PCDH7: variants seen among roughly 807,000 people sequenced by gnomAD.
PCDH7 encodes protocadherin-7.
In PCDH7, 17 loss-of-function variants were observed where a neutral mutation model predicts 58.9. The ratio of observed to expected loss-of-function variants is 0.29; its 90% CI spans 0.20 to 0.43. The LOEUF (loss-of-function observed/expected upper bound fraction) is 0.43, where lower values mean the gene tolerates loss of function less well. Among genes scored for constraint, PCDH7 ranks in the 20% least tolerant of loss-of-function variants. The pLI, the probability that PCDH7 is intolerant of heterozygous loss-of-function variation, is 1.00. For synonymous variants in PCDH7, 664 were observed against 616.4 expected (o/e 1.08, Z -1.14); for missense variants, 1,274 against 1,441.0 (o/e 0.88, Z 1.88).
intron 1 of PCDH7, among the ~76,000 whole-genome samples, chr4:30,836,878 T>A (rs1730544240): frequency 6.6e-6 from 1 of 152,176 alleles, no homozygotes. Context: ...ATTGTTTTAT[T>A]TCAACAGCCA....
intron 3 of PCDH7, among the ~76,000 whole-genome samples, chr4:30,999,100 C>T (rs1042717009): frequency 6.6e-6 from 1 of 152,028 alleles, no homozygotes; most frequent in Non-Finnish European, 1.5e-5. Flanking sequence ...GTCAGAGGAC[C>T]TGAACTCTGG....
At chr4:30,995,011 A>AT (rs1751759723) in intron 3 of PCDH7, among the ~76,000 whole-genome samples, 1 of 152,168 alleles carries the variant, frequency 6.6e-6, no homozygotes, top group African/African-American at 2.4e-5. Context: ...CTCATGTATA[A>AT]TTTTTTATTG....
chr4:30,920,459 A>G (rs1403370417), intron 2 of PCDH7, 90 bp downstream of exon 2: 1 of 722,942 alleles, frequency 1.4e-6, no homozygotes, highest in Non-Finnish European at 2.0e-6. Flanking sequence ...CCAAAATAAA[A>G]TAGCTGACAT....
intron 3 of PCDH7, among the ~76,000 whole-genome samples, chr4:31,123,073 C>G (rs1292489057): frequency 6.6e-6 from 1 of 151,840 alleles, no homozygotes; most frequent in Non-Finnish European, 1.5e-5. Context: ...AATTTTAATA[C>G]TTTTAAGATA....
At chr4:30,789,005 C>T (rs1046851803) in intron 1 of PCDH7, among the ~76,000 whole-genome samples, 1 of 152,008 alleles carries the variant, frequency 6.6e-6, no homozygotes, top group Non-Finnish European at 1.5e-5. Context: ...ATGCTGGTTT[C>T]CACTTAAATT....
intron 3 of PCDH7, among the ~76,000 whole-genome samples, chr4:31,087,820 G>A (rs998128325): frequency 6.6e-6 from 1 of 152,004 alleles, no homozygotes; most frequent in African/African-American, 2.4e-5. Context: ...GTTTTCTGGA[G>A]CATCACATAT....
chr4:30,861,094 C>T (rs1283687011), intron 1 of PCDH7, among the ~76,000 whole-genome samples: 3 of 152,118 alleles, frequency 2.0e-5, no homozygotes, highest in East Asian at 1.9e-4. Flanking sequence ...GGAGCATGTG[C>T]GCAAGAGAGA....
intron 3 of PCDH7, among the ~76,000 whole-genome samples, chr4:30,989,751 G>C (rs951311261): frequency 2.0e-5 from 3 of 152,054 alleles, no homozygotes; most frequent in Admixed American, 2.0e-4. Context: ...TAGGGGTTAT[G>C]TTGTATATTT....
chr4:30,920,195 G>T lies in PCDH7; in HGVS notation c.115G>T (p.Asp39Tyr), dbSNP rs375481502. ...GTTTTCTGTTGTGAGTCAGCCTCAG[G>T]ACCCACATCAGGGGTCACTGCAGAG... The change falls in exon 2 of 4, where the codon GAC becomes TAC. Residue 39 changes from aspartate (D) to tyrosine (Y), a missense_variant. By Grantham distance (160) the Asp-to-Tyr change is radical (BLOSUM62 -3). Transcript: ENST00000509759. 8.3e-5 allele frequency: 114 copies of T among 1,367,578 alleles called. 1 individual carries two copies. The highest frequency in any genetic ancestry group is 1.1e-4 in the Non-Finnish European group (112 of 1,021,978). 84.7% of individuals were successfully genotyped at this position (1,367,578 alleles called of 1,614,324 possible).
chr4:30,729,993 G>C (rs1219201345), intron 1 of PCDH7, among the ~76,000 whole-genome samples: 2 of 151,816 alleles, frequency 1.3e-5, no homozygotes, highest in South Asian at 4.2e-4. Flanking sequence ...ACTAAATATA[G>C]TGTGACAAAG....
chr4:30,966,884 A>C (rs1341589780), intron 3 of PCDH7, among the ~76,000 whole-genome samples: 2 of 152,158 alleles, frequency 1.3e-5, no homozygotes, highest in Non-Finnish European at 2.9e-5. Context: ...AAGAGCATCA[A>C]AATGGAAACT....
intron 3 of PCDH7, among the ~76,000 whole-genome samples, chr4:31,050,273 T>C (rs761504484): frequency 4.6e-5 from 7 of 152,104 alleles, no homozygotes; most frequent in Non-Finnish European, 8.8e-5. Flanking sequence ...AATATCCTGA[T>C]TTTGGAATTG....
chr4:30,878,160 T>C (rs1480919892), intron 1 of PCDH7, among the ~76,000 whole-genome samples: 1 of 152,136 alleles, frequency 6.6e-6, no homozygotes, highest in Non-Finnish European at 1.5e-5. Flanking sequence ...GGCACCATGC[T>C]GGTGCAATGG....
chr4:30,865,145 T>C lies in PCDH7; in HGVS notation c.71-55008T>C, dbSNP rs1029498579. Among the ~76,000 whole-genome samples the C allele has an allele frequency of 5.9e-5, 9 of 152,036 alleles. No homozygotes were observed. The East Asian group carries it at 1.7e-3, about 30-fold the overall frequency. ...ATAACACAGTCAAAAACTAAAATAA[T>C]TTTGAAGAGGAAGGAAGTCAGGATG... On this transcript the variant is annotated intron_variant, in intron 1 of 3. Coordinates refer to the PCDH7 transcript ENST00000509759.
At chr4:31,121,831 GA>G (rs796885191) in intron 3 of PCDH7, among the ~76,000 whole-genome samples, 116 of 151,816 alleles carry the variant, frequency 7.6e-4, no homozygotes, top group African/African-American at 2.6e-3. Flanking sequence ...TTTGTAGGAA[GA>G]AAAAAAATAT....
At chr4:31,068,643 C>A (rs1295909306) in intron 3 of PCDH7, among the ~76,000 whole-genome samples, 4 of 151,960 alleles carry the variant, frequency 2.6e-5, no homozygotes, top group African/African-American at 9.7e-5. Context: ...CAGTGACCTA[C>A]CCGAATGTCC....
intron 3 of PCDH7, among the ~76,000 whole-genome samples, chr4:31,022,595 C>A (rs1754112555): frequency 6.6e-6 from 1 of 152,000 alleles, no homozygotes; most frequent in Admixed American, 6.6e-5. Context: ...AGATTTTAAC[C>A]CAGGTATTGC....
At chr4:31,023,254 A>G (rs1224816992) in intron 3 of PCDH7, among the ~76,000 whole-genome samples, 1 of 152,214 alleles carries the variant, frequency 6.6e-6, no homozygotes, top group Non-Finnish European at 1.5e-5. Context: ...CCAGAATCGC[A>G]GTTTGCATGG....
intron 1 of PCDH7, among the ~76,000 whole-genome samples, chr4:30,804,028 C>T (rs939334803): frequency 3.3e-5 from 5 of 152,174 alleles, no homozygotes; most frequent in Admixed American, 3.3e-4. Flanking sequence ...CAGGACAGAA[C>T]CCTCATGGCC....
Sources: allele counts gnomAD v4.1 joint callset (sites outside exome capture counted in the v4.1 genomes callset), GRCh38; gene constraint gnomAD v4.1.1; transcripts MANE v1.5; gene names NCBI Gene and HGNC (gene_info 2026-07-23, HGNC 2026-07-21).